MYO6: variants seen among roughly 807,000 people sequenced by gnomAD.
MYO6 encodes the protein unconventional myosin-VI.
Under a neutral mutation model 178.7 loss-of-function variants are expected in MYO6, and 74 were observed. The observed-to-expected ratio is 0.41, with a 90% CI of 0.34 to 0.50. The LOEUF (loss-of-function observed/expected upper bound fraction) is 0.50. Ranked by LOEUF, MYO6 falls within the 20% of genes least tolerant of loss-of-function variation. The pLI is 0.09. For missense variants in MYO6, 1,330 were observed against 1,547.4 expected (o/e 0.86, Z 2.36); for synonymous variants, 477 against 504.6 (o/e 0.95, Z 0.73).
At chr6:75,899,084 G>T (rs572685253) in intron 30 of MYO6, among the ~76,000 whole-genome samples, 33 of 152,142 alleles carry the variant, frequency 2.2e-4, no homozygotes, top group African/African-American at 8.0e-4. Context: ...TACTATTTTA[G>T]TAACTCCAGA....
chr6:75,909,670 C>T (rs893477993), intron 32 of MYO6, among the ~76,000 whole-genome samples: 1 of 152,154 alleles, frequency 6.6e-6, no homozygotes, highest in African/African-American at 2.4e-5. Context: ...AATAATTGGA[C>T]TTACTGTGTT....
intron 3 of MYO6, among the ~76,000 whole-genome samples, chr6:75,826,151 G>A (rs1772444932): frequency 6.6e-6 from 1 of 152,152 alleles, no homozygotes; most frequent in African/African-American, 2.4e-5. Flanking sequence ...ATACCTTTAG[G>A]GAGATGTAGG....
chr6:75,756,156 C>T lies in MYO6; in HGVS notation c.-48+6733C>T, dbSNP rs928629695. Among the ~76,000 whole-genome samples, 8 of 151,678 alleles carry T rather than the reference C, an allele frequency of 5.3e-5. No homozygotes were observed. In the South Asian group the frequency reaches 6.3e-4, roughly 12 times the overall value. ...TTACCTGTAGTCCTAGCTACTCAGG[C>T]GGCTGAGGCAGGAGGAATGCTTGAG... is the stretch of plus-strand genomic sequence containing the variant. On this transcript the variant is annotated intron_variant, in intron 1 of 34. Transcript: ENST00000369977.
At chr6:75,764,845 A>G (rs1195950071) in intron 1 of MYO6, among the ~76,000 whole-genome samples, 1 of 151,958 alleles carries the variant, frequency 6.6e-6, no homozygotes, top group Non-Finnish European at 1.5e-5. Flanking sequence ...TAAAAATACA[A>G]AAAATTAGCC....
At chr6:75,806,251 G>T (rs1770076926) in intron 1 of MYO6, among the ~76,000 whole-genome samples, 1 of 152,052 alleles carries the variant, frequency 6.6e-6, no homozygotes, top group South Asian at 2.1e-4. Context: ...GCTGGATGTG[G>T]TGGCACATGC....
chr6:75,858,333 C>T (rs1385974135), intron 13 of MYO6, among the ~76,000 whole-genome samples: 2 of 152,098 alleles, frequency 1.3e-5, no homozygotes, highest in African/African-American at 2.4e-5. Flanking sequence ...TGGCCGGGTG[C>T]GGTGGCTCAT....
chr6:75,915,952 G>A lies in MYO6; in HGVS notation c.*940G>A, dbSNP rs1781095316. ...CATCTTTCTTTTTAAGAAATTCCTA[G>A]TGTCTTTTTTGGCCTTTGAGGTTTT... On this transcript the variant is annotated 3_prime_UTR_variant, in exon 35 of 35. Coordinates refer to ENST00000369977, the MANE Select transcript of MYO6 (RefSeq NM_004999.4). 6.6e-6 allele frequency: 1 copy of A among 152,484 alleles called. No individual in the cohort carries two copies. The highest frequency in any genetic ancestry group is 1.5e-5 in the Non-Finnish European group (1 of 68,006). The allele number at this position is 152,484 out of a possible 1,614,324, so 9.4% of individuals were successfully genotyped here.
intron 6 of MYO6, among the ~76,000 whole-genome samples, chr6:75,835,279 C>G (rs920811949): frequency 2.0e-5 from 3 of 152,208 alleles, no homozygotes; most frequent in Admixed American, 2.0e-4. Context: ...ATGTTAAATG[C>G]AATACAAATA....
Position 75,890,262 on chromosome 6 carries a change from G to A in MYO6, c.2864G>A (p.Arg955Gln), listed in dbSNP as rs758421542. Residue 955 changes from arginine to glutamine, a missense_variant, in exon 26 of 35, where the codon CGG becomes CAG. Transcript: ENST00000369977. Reference protein sequence around the residue: ...KRRRKEEEERRMKLEMEAKRK... With the variant: ...KRRRKEEEERQMKLEMEAKRK... ...CGAAGAAAGGAAGAGGAGGAAAGGC[G>A]GATGTGAGGCATTTATATTATTTTG... is the stretch of plus-strand genomic sequence containing the variant. 2.8e-5 allele frequency: 45 copies of A among 1,613,488 alleles called. No individual in the cohort carries two copies. Among genetic ancestry groups the A allele is most frequent in the Admixed American group, 3.3e-5 (2 of 59,980 alleles).
In MYO6 at chr6:75,914,948, C is replaced by T. The variant is rs566024281; in HGVS notation, c.3794C>T (p.Ala1265Val). ...GGAGGCATCCAGTACCTTCAGAATG[C>T]GATTGAGAGCAGACAGGCTCGGCCC... is the stretch of plus-strand genomic sequence containing the variant. ...RCGGIQYLQN[A>V]IESRQARPTY... Residue 1265 changes from alanine to valine, a missense_variant, in exon 35 of 35, where the codon GCG (alanine) becomes GTG (valine). Physicochemically the swap from Ala to Val is moderately conservative, Grantham distance 64. This residue lies in a region of MYO6 where 601 missense variants were observed against 626.1 expected (regional missense o/e 0.96). Transcript: ENST00000369977. 1.1e-5 allele frequency: 17 copies of T among 1,613,986 alleles called. No individual in the cohort carries two copies. The highest frequency in any genetic ancestry group is 2.2e-5 in the East Asian group (1 of 44,872).
chr6:75,812,461 C>A (rs1210512253), intron 1 of MYO6, among the ~76,000 whole-genome samples: 3 of 152,086 alleles, frequency 2.0e-5, no homozygotes, highest in Non-Finnish European at 2.9e-5. Context: ...CCACAACGAT[C>A]CAAGTATACT....
At chr6:75,798,572 C>G (rs542295516) in intron 1 of MYO6, among the ~76,000 whole-genome samples, 1 of 152,160 alleles carries the variant, frequency 6.6e-6, no homozygotes, top group Non-Finnish European at 1.5e-5. Flanking sequence ...ATCCAGCATC[C>G]CTTCATAATA....
intron 30 of MYO6, among the ~76,000 whole-genome samples, chr6:75,902,070 G>A (rs1779825857): frequency 6.6e-6 from 1 of 152,206 alleles, no homozygotes; most frequent in African/African-American, 2.4e-5. Context: ...TCCCAGGGAT[G>A]AAGCCCACTT....
At chr6:75,799,280 C>A in intron 1 of MYO6, among the ~76,000 whole-genome samples, 1 of 151,790 alleles carries the variant, frequency 6.6e-6, no homozygotes, top group Non-Finnish European at 1.5e-5. Context: ...ATCCCAGCTA[C>A]TAGGGAGGCT....
intron 1 of MYO6, among the ~76,000 whole-genome samples, chr6:75,750,476 A>G (rs1260732463): frequency 6.6e-6 from 1 of 151,690 alleles, no homozygotes; most frequent in Non-Finnish European, 1.5e-5. Context: ...TTAGTGAGAA[A>G]TGAGGAGCAC....
intron 20 of MYO6, among the ~76,000 whole-genome samples, chr6:75,879,094 T>G (rs1777803126): frequency 6.6e-6 from 1 of 152,238 alleles, no homozygotes; most frequent in Non-Finnish European, 1.5e-5. Flanking sequence ...ATGTATCTAC[T>G]TTTTGGAGTT....
At chr6:75,895,204 A>G in intron 28 of MYO6, 27 bp from the exon 29 acceptor site, 2 of 1,571,140 alleles carry the variant, frequency 1.3e-6, no homozygotes, top group Middle Eastern at 1.7e-4. Context: ...TGGTTACGAT[A>G]TTAACTAAAA....
At chr6:75,802,850 A>C (rs1484981366) in intron 1 of MYO6, among the ~76,000 whole-genome samples, 1 of 152,156 alleles carries the variant, frequency 6.6e-6, no homozygotes, top group Non-Finnish European at 1.5e-5. Context: ...ATCATTGGAT[A>C]ATAAACAAGA....
chr6:75,857,306 A>G (rs774421642), intron 13 of MYO6, 52 bp downstream of exon 13: 1 of 1,554,454 alleles, frequency 6.4e-7, no homozygotes, highest in Non-Finnish European at 8.9e-7. Flanking sequence ...TTTTTCACAC[A>G]TTAGAATTTG....
Sources: allele counts gnomAD v4.1 joint callset (sites outside exome capture counted in the v4.1 genomes callset), GRCh38; gene constraint gnomAD v4.1.1; regional missense constraint gnomAD v4.1.1; transcripts MANE v1.5; gene names NCBI Gene and HGNC (gene_info 2026-07-23, HGNC 2026-07-21).